Variants in TMCO6 observed in about 807,000 individuals in gnomAD.
TMCO6 encodes the protein transmembrane and coiled-coil domains 6.
Under a neutral mutation model 61.8 loss-of-function variants are expected in TMCO6, and 47 were observed. That is an observed-to-expected ratio of 0.76 (90% CI 0.60 to 0.97). TMCO6 has a LOEUF of 0.97. Among genes scored for constraint, TMCO6 ranks in the 50% least tolerant of loss-of-function variants. TMCO6 has a pLI of 0.00. For missense variants in TMCO6, 557 were observed against 601.6 expected (o/e 0.93, Z 0.78); for synonymous variants, 261 against 254.2 (o/e 1.03, Z -0.25).
At chr5:140,618,206 G>A in the TMCO6 span, among the ~76,000 whole-genome samples, 1 of 152,178 alleles carries the variant, frequency 6.6e-6, no homozygotes, top group East Asian at 1.9e-4. Context: ...GAGGTGGATG[G>A]ATCACTTGAG....
chr5:140,612,156 A>T, the TMCO6 span, among the ~76,000 whole-genome samples: 1 of 152,276 alleles, frequency 6.6e-6, no homozygotes, highest in African/African-American at 2.4e-5. Context: ...TCCTACAACC[A>T]CAACATTCCA....
At chr5:140,633,611 T>C in the TMCO6 span, 10 of 167,502 alleles carry the variant, frequency 6.0e-5, no homozygotes, top group African/African-American at 2.4e-4. Flanking sequence ...TGCCACCAAA[T>C]CCAAGTCCCT....
rs1286501081 is a variant in TMCO6, at chr5:140,643,656, A to G, written c.899A>G (p.Glu300Gly). The G allele has an allele frequency of 6.2e-7, 1 of 1,612,972 alleles. No individual in the cohort carries two copies. Among genetic ancestry groups the G allele is most frequent in the African/African-American group, 1.3e-5 (1 of 74,892 alleles). The change falls in exon 8 of 12, where the codon GAG becomes GGG. Residue 300 changes from glutamate to glycine, a missense_variant. Physicochemically the swap from Glu to Gly is moderately conservative, Grantham distance 98. Transcript: ENST00000394671. ...LDLAGAVQKT[E>G]DAGLELLACP... ...TTGGCTGGGGCTGTCCAGAAAACCG[A>G]GGATGCAGGACTGGAGCTGGTAGGT...
intron 1 of TMCO6, 55 bp from the exon 2 acceptor site, chr5:140,639,684 C>G: frequency 1.3e-6 from 2 of 1,548,520 alleles, no homozygotes; most frequent in Non-Finnish European, 1.7e-6. Flanking sequence ...CTCGGAGCCG[C>G]GGGTTCTGGG....
At chr5:140,614,653 C>T in the TMCO6 span, among the ~76,000 whole-genome samples, 1 of 151,790 alleles carries the variant, frequency 6.6e-6, no homozygotes, top group Admixed American at 6.6e-5. Flanking sequence ...CGCTCTGTCA[C>T]CCAGGCTGGA....
At chr5:140,613,117 A>G in the TMCO6 span, among the ~76,000 whole-genome samples, 1 of 152,114 alleles carries the variant, frequency 6.6e-6, no homozygotes, top group Non-Finnish European at 1.5e-5. Flanking sequence ...GGGGCCGGGC[A>G]CGGTGGCTCA....
chr5:140,622,293 G>A, the TMCO6 span, among the ~76,000 whole-genome samples: 142 of 152,198 alleles, frequency 9.3e-4, 2 homozygotes, highest in East Asian at 5.8e-4. Context: ...CGTGAATATC[G>A]GGGCAGATTC....
the TMCO6 span, chr5:140,632,078 G>A: frequency 2.4e-5 from 38 of 1,614,084 alleles, no homozygotes; most frequent in African/African-American, 4.0e-5. This position sits in a 1 kb window ranked among gnomAD's most constrained non-coding sequence, Gnocchi z 6.2. Context: ...AGCTGAGATC[G>A]AGCACTCTGA....
In TMCO6 at chr5:140,643,694, T is replaced by A; in HGVS notation, c.918+19T>A. 1.2e-6 allele frequency: 2 copies of A among 1,606,466 alleles called. No homozygotes were observed. On this transcript the variant is annotated intron_variant, in intron 8 of 11. Transcript: ENST00000394671. ...GGAGCTGGTAGGTGAAGATGTCAGGTGAAATTCTGGGAGATGTTTCTTGAT... is the reference window on the plus strand; with the variant it reads ...GGAGCTGGTAGGTGAAGATGTCAGGAGAAATTCTGGGAGATGTTTCTTGAT...
intron 6 of TMCO6, 60 bp downstream of exon 6, chr5:140,642,731 C>T (rs1033904115): frequency 1.4e-5 from 23 of 1,588,076 alleles, no homozygotes; most frequent in East Asian, 1.3e-4. Flanking sequence ...GTATAGCTCC[C>T]GGATGCCTGA....
At chr5:140,631,787 C>G in the TMCO6 span, 1 of 1,427,454 alleles carries the variant, frequency 7.0e-7, no homozygotes, top group Non-Finnish European at 9.5e-7. Flanking sequence ...TCGAAAAGTC[C>G]TCAACGTCCT....
Position 140,643,847 on chromosome 5 carries a change from G to A in TMCO6, c.986G>A (p.Gly329Glu). 6.2e-7 allele frequency: 1 copy of A among 1,614,184 alleles called. No individual in the cohort carries two copies. The highest frequency in any genetic ancestry group is 8.5e-7 in the Non-Finnish European group (1 of 1,180,040). The change falls in exon 9 of 12, where the codon GGG (glycine) becomes GAG (glutamate). Residue 329 changes from glycine to glutamate, a missense_variant. Coordinates refer to ENST00000394671, the MANE Select transcript of TMCO6 (RefSeq NM_018502.5). ...GAGGCAGCAGTGGAGACTGTGGGAGGGCAAATGCAGCTCAGAGATGAGCGT... is the reference window on the plus strand; with the variant it reads ...GAGGCAGCAGTGGAGACTGTGGGAGAGCAAATGCAGCTCAGAGATGAGCGT... ...LTEAAVETVG[G>E]QMQLRDERVV...
chr5:140,634,472 A>G (rs1253041225), upstream of TMCO6, among the ~76,000 whole-genome samples: 2 of 149,324 alleles, frequency 1.3e-5, no homozygotes, highest in African/African-American at 4.9e-5. Context: ...GGAAAGAACT[A>G]TATGAAAGTC....
At chr5:140,607,487 G>T in the TMCO6 span, among the ~76,000 whole-genome samples, 5 of 152,164 alleles carry the variant, frequency 3.3e-5, no homozygotes. Context: ...ATAGTGTATA[G>T]TGTTGATATG....
At chr5:140,614,835 C>T in the TMCO6 span, among the ~76,000 whole-genome samples, 1 of 152,028 alleles carries the variant, frequency 6.6e-6, no homozygotes, top group Admixed American at 6.6e-5. Context: ...AGGATGGTCT[C>T]GATTTCCTGC....
In TMCO6 at chr5:140,641,652, C is replaced by T. The variant is rs1288103370; in HGVS notation, c.199-13C>T. The T allele has an allele frequency of 6.2e-7, 1 of 1,610,588 alleles. No individual in the cohort carries two copies. Among genetic ancestry groups the T allele is most frequent in the Non-Finnish European group, 8.5e-7 (1 of 1,177,642 alleles). ...TGAACCGTGTGTTCTCCTTTCCCTG[C>T]CCTGAACTCCAGGTGCAGCAGTTCC... On this transcript the variant is annotated splice_polypyrimidine_tract_variant and intron_variant, in intron 2 of 11. Coordinates refer to ENST00000394671, the MANE Select transcript of TMCO6 (RefSeq NM_018502.5).
the TMCO6 span, among the ~76,000 whole-genome samples, chr5:140,610,638 G>A: frequency 1.3e-5 from 2 of 152,126 alleles, no homozygotes; most frequent in South Asian, 4.1e-4. Context: ...TGAATCACTA[G>A]GAGTTTTTAA....
At chr5:140,622,724 C>CAAAAA in the TMCO6 span, among the ~76,000 whole-genome samples, 4 of 105,760 alleles carry the variant, frequency 3.8e-5, no homozygotes, top group Non-Finnish European at 6.3e-5. Context: ...GCTTTAGCTA[C>CAAAAA]AAAAAAAAAA....
chr5:140,644,775 T>C (rs1201321325), intron 11 of TMCO6, 35 bp downstream of exon 11: 13 of 1,610,616 alleles, frequency 8.1e-6, no homozygotes, highest in Non-Finnish European at 1.1e-5. Flanking sequence ...CAGTCACCCC[T>C]GTTCTGAAGC....
Sources: allele counts gnomAD v4.1 joint callset (sites outside exome capture counted in the v4.1 genomes callset), GRCh38; gene constraint gnomAD v4.1.1; non-coding constraint Gnocchi (gnomAD v3.1); transcripts MANE v1.5; gene names NCBI Gene and HGNC (gene_info 2026-07-23, HGNC 2026-07-21).